CFTR: variants seen among roughly 807,000 people sequenced by gnomAD.
CFTR encodes the protein cystic fibrosis transmembrane conductance regulator.
In CFTR, 181 loss-of-function variants were observed where a neutral mutation model predicts 171.6. That is an observed-to-expected ratio of 1.05 (90% CI 0.93 to 1.19). The LOEUF is 1.19. CFTR is among the 50% of genes most tolerant of loss of function. The probability of loss-of-function intolerance (pLI) is 0.00; values close to 1 mark genes in which losing one functional copy is unlikely to be tolerated. For missense variants in CFTR, 1,968 were observed against 1,734.7 expected (o/e 1.13, Z -2.39); for synonymous variants, 583 against 608.0 (o/e 0.96, Z 0.60).
intron 3 of CFTR, among the ~76,000 whole-genome samples, chr7:117,522,628 G>A (rs1188193204): frequency 6.6e-6 from 1 of 152,080 alleles, no homozygotes; most frequent in Non-Finnish European, 1.5e-5. Context: ...TTACATGCAA[G>A]CCTAAGTTTG....
chr7:117,612,868 C>G (rs1476360416), intron 20 of CFTR, among the ~76,000 whole-genome samples: 5 of 152,066 alleles, frequency 3.3e-5, no homozygotes, highest in African/African-American at 1.2e-4. Flanking sequence ...TCTGGTCTAC[C>G]AGGGCTATGC....
intron 23 of CFTR, among the ~76,000 whole-genome samples, chr7:117,648,347 G>GAAAA (rs1793029921): frequency 6.6e-6 from 1 of 151,958 alleles, no homozygotes; most frequent in Admixed American, 6.6e-5. Context: ...CTGTTGCAGT[G>GAAAA]AAATATACAT....
chr7:117,648,786 C>T (rs1426426951), intron 23 of CFTR, among the ~76,000 whole-genome samples: 1 of 152,096 alleles, frequency 6.6e-6, no homozygotes, highest in African/African-American at 2.4e-5. Context: ...AGAACTAAGA[C>T]ACCCACTGGC....
chr7:117,560,365 A>C (rs1799441834), intron 11 of CFTR, among the ~76,000 whole-genome samples: 1 of 152,098 alleles, frequency 6.6e-6, no homozygotes, highest in Non-Finnish European at 1.5e-5. Flanking sequence ...TATTGCTGTA[A>C]ATGTTAGGGC....
chr7:117,594,879 T>C (rs370209762), intron 14 of CFTR, 51 bp from the exon 15 acceptor site: 210 of 1,572,568 alleles, frequency 1.3e-4, no homozygotes, highest in Middle Eastern at 3.5e-4. Flanking sequence ...ACCACAATGG[T>C]GGCATGAAAC....
intron 22 of CFTR, among the ~76,000 whole-genome samples, chr7:117,639,122 T>C (rs893200395): frequency 2.6e-5 from 4 of 152,272 alleles, no homozygotes; most frequent in African/African-American, 9.6e-5. Flanking sequence ...TGCAGAAAAA[T>C]TATTCAGTCT....
chr7:117,620,256 C>A (rs1412515881), intron 21 of CFTR, among the ~76,000 whole-genome samples: 1 of 152,148 alleles, frequency 6.6e-6, no homozygotes, highest in Non-Finnish European at 1.5e-5. Flanking sequence ...TCTACTCTGG[C>A]CTTGCCATGT....
chr7:117,632,758 C>T (rs1234516389), intron 22 of CFTR, among the ~76,000 whole-genome samples: 1 of 152,018 alleles, frequency 6.6e-6, no homozygotes, highest in Non-Finnish European at 1.5e-5. Flanking sequence ...ATGGTCATAG[C>T]AAATGCAATA....
At chr7:117,637,656 C>T (rs1792847702) in intron 22 of CFTR, among the ~76,000 whole-genome samples, 1 of 152,214 alleles carries the variant, frequency 6.6e-6, no homozygotes, top group Non-Finnish European at 1.5e-5. Context: ...GCAGGTGGAT[C>T]ACCTGAGGTC....
intron 15 of CFTR, among the ~76,000 whole-genome samples, chr7:117,599,607 G>T (rs991926384): frequency 5.3e-5 from 8 of 152,094 alleles, no homozygotes; most frequent in African/African-American, 1.9e-4. Flanking sequence ...AATATATGAT[G>T]AATAGTTTTG....
At position 117,540,285 on chromosome 7, in the gene CFTR, G is replaced by A. The variant is rs121908753; in HGVS notation, c.1055G>A (p.Arg352Gln). Reference sequence around the variant, plus strand: ...ATTGTTCTGCGCATGGCGGTCACTCGGCAATTTCCCTGGGCTGTACAAACA... The same window carrying A: ...ATTGTTCTGCGCATGGCGGTCACTCAGCAATTTCCCTGGGCTGTACAAACA... ...FCIVLRMAVT[R>Q]QFPWAVQTWY... The change falls in exon 8 of 27, where the codon CGG becomes CAG. Residue 352 changes from arginine to glutamine, a missense_variant. Transcript: ENST00000003084. 26 of 1,613,900 alleles carry A rather than the reference G, an allele frequency of 1.6e-5. No homozygotes were observed. The highest frequency in any genetic ancestry group is 4.4e-5 in the South Asian group (4 of 91,074).
At chr7:117,491,033 A>G (rs1207508354) in intron 1 of CFTR, among the ~76,000 whole-genome samples, 1 of 152,082 alleles carries the variant, frequency 6.6e-6, no homozygotes, top group Non-Finnish European at 1.5e-5. Context: ...TTGTGAGAAT[A>G]CTATAGAGTA....
intron 10 of CFTR, among the ~76,000 whole-genome samples, chr7:117,556,766 G>A (rs1207795482): frequency 7.3e-5 from 11 of 150,864 alleles, no homozygotes; most frequent in South Asian, 2.1e-4. Flanking sequence ...TGATCCGCCC[G>A]CCTCGGCCTC....
chr7:117,489,972 G>A (rs991380360), intron 1 of CFTR, among the ~76,000 whole-genome samples: 7 of 152,028 alleles, frequency 4.6e-5, no homozygotes, highest in African/African-American at 1.4e-4. Flanking sequence ...GGTTGTTCCT[G>A]ATCTTCCCTT....
chr7:117,518,935 C>T (rs991530985), intron 3 of CFTR, among the ~76,000 whole-genome samples: 3 of 152,104 alleles, frequency 2.0e-5, no homozygotes, highest in African/African-American at 7.2e-5. Context: ...TATTTTAACA[C>T]ATCTTTCATT....
intron 13 of CFTR, 127 bp downstream of exon 13, chr7:117,590,566 G>A (rs551644252): frequency 2.5e-6 from 3 of 1,202,826 alleles, no homozygotes; most frequent in African/African-American, 3.0e-5. Flanking sequence ...GCAGAATGTA[G>A]CATGGTATTA....
intron 10 of CFTR, among the ~76,000 whole-genome samples, chr7:117,551,613 T>G (rs1319536087): frequency 6.6e-6 from 1 of 152,210 alleles, no homozygotes; most frequent in Non-Finnish European, 1.5e-5. Flanking sequence ...GACAGGTATA[T>G]TATAGAAATT....
intron 1 of CFTR, among the ~76,000 whole-genome samples, chr7:117,485,561 C>G (rs748728555): frequency 5.9e-5 from 9 of 152,272 alleles, no homozygotes; most frequent in Non-Finnish European, 1.3e-4. Flanking sequence ...TACAGAGTGG[C>G]TTTACGGCTT....
chr7:117,546,408 T>A (rs1799148528), intron 9 of CFTR, among the ~76,000 whole-genome samples: 1 of 152,286 alleles, frequency 6.6e-6, no homozygotes, highest in South Asian at 2.1e-4. Flanking sequence ...GTGCAGGGAT[T>A]ACAGGCATGA....
Sources: gnomAD v4.1 joint callset for allele counts (sites outside exome capture counted in the v4.1 genomes callset) on GRCh38, gnomAD v4.1.1 for gene constraint, MANE v1.5 for transcripts, NCBI Gene and HGNC (gene_info 2026-07-23, HGNC 2026-07-21) for gene names.